The following CDH12 variants were observed in gnomAD, a reference collection of about 807,000 sequenced individuals.
CDH12 encodes cadherin 12.
In CDH12, 41 loss-of-function variants were observed where a neutral mutation model predicts 74.1. The ratio of observed to expected loss-of-function variants is 0.55; its 90% confidence interval spans 0.43 to 0.72. The LOEUF (loss-of-function observed/expected upper bound fraction) is 0.72, where lower values mean the gene tolerates loss of function less well. Among genes scored for constraint, CDH12 ranks in the 30% least tolerant of loss-of-function variants. The pLI is 0.00. For missense variants in CDH12, 945 were observed against 977.2 expected (o/e 0.97, Z 0.44); for synonymous variants, 399 against 355.0 (o/e 1.12, Z -1.39).
chr5:22,453,422 C>T (rs141953750), intron 2 of CDH12, among the ~76,000 whole-genome samples: 2 of 151,998 alleles, frequency 1.3e-5, no homozygotes, highest in Admixed American at 1.3e-4. Context: ...GAATGAAATT[C>T]TATTGTTTGT....
chr5:21,868,366 G>C (rs1164563932), intron 6 of CDH12, among the ~76,000 whole-genome samples: 1 of 152,152 alleles, frequency 6.6e-6, no homozygotes, highest in Non-Finnish European at 1.5e-5. Context: ...GTGGATCCCT[G>C]AGAGTAGAGC....
chr5:21,985,618 A>G (rs1040867400), intron 5 of CDH12, among the ~76,000 whole-genome samples: 6 of 146,698 alleles, frequency 4.1e-5, no homozygotes, highest in Non-Finnish European at 4.5e-5. Flanking sequence ...AGTCAATATG[A>G]GTATAAGAAA....
At chr5:22,538,658 G>A (rs930365234) in intron 1 of CDH12, among the ~76,000 whole-genome samples, 1 of 152,138 alleles carries the variant, frequency 6.6e-6, no homozygotes, top group African/African-American at 2.4e-5. Context: ...CAAACTATCT[G>A]TGGTGAAATA....
At chr5:22,650,868 A>G (rs192998663) in intron 1 of CDH12, among the ~76,000 whole-genome samples, 23 of 152,086 alleles carry the variant, frequency 1.5e-4, no homozygotes, top group African/African-American at 5.3e-4. Flanking sequence ...ACATTAGCCT[A>G]TTTGATGGGG....
chr5:22,012,526 G>A (rs1013670138), intron 5 of CDH12, among the ~76,000 whole-genome samples: 2 of 152,098 alleles, frequency 1.3e-5, no homozygotes, highest in Admixed American at 6.6e-5. Context: ...AGTTACAGGT[G>A]AAAAGCTTTT....
intron 6 of CDH12, among the ~76,000 whole-genome samples, chr5:21,971,099 G>T (rs528592585): frequency 7.2e-5 from 11 of 151,774 alleles, no homozygotes; most frequent in African/African-American, 2.7e-4. Context: ...TTAAGATATT[G>T]AATGAAAGAT....
chr5:22,266,111 T>C (rs1331706030), intron 3 of CDH12, among the ~76,000 whole-genome samples: 2 of 151,702 alleles, frequency 1.3e-5, no homozygotes, highest in Non-Finnish European at 2.9e-5. Flanking sequence ...GTTTCGCTCT[T>C]GTCGCTTAAG....
chr5:22,847,579 T>A (rs1465610255), intron 1 of CDH12, among the ~76,000 whole-genome samples: 1 of 152,208 alleles, frequency 6.6e-6, no homozygotes, highest in Non-Finnish European at 1.5e-5. Context: ...CAACATTTAC[T>A]GAGCATTTGA....
At chr5:21,883,372 T>C in intron 6 of CDH12, 2 of 1,540,808 alleles carry the variant, frequency 1.3e-6, no homozygotes, top group Non-Finnish European at 1.8e-6. Flanking sequence ...GTACCTGCTC[T>C]TGAAATTGCC....
At chr5:22,549,480 T>C (rs961486054) in intron 1 of CDH12, among the ~76,000 whole-genome samples, 2 of 152,204 alleles carry the variant, frequency 1.3e-5, no homozygotes, top group Non-Finnish European at 1.5e-5. Flanking sequence ...AGATACTTTA[T>C]ATTTTTGTAT....
At chr5:22,202,195 C>CTTCCTTCT (rs1376825666) in intron 4 of CDH12, among the ~76,000 whole-genome samples, 37 of 121,846 alleles carry the variant, frequency 3.0e-4, no homozygotes, top group African/African-American at 1.0e-3. Context: ...TCCTTCCTTC[C>CTTCCTTCT]TTCCTTCTTT....
chr5:22,242,767 C>A (rs1237222971), intron 3 of CDH12, among the ~76,000 whole-genome samples: 2 of 152,160 alleles, frequency 1.3e-5, no homozygotes, highest in Admixed American at 1.3e-4. Context: ...TAGCCTTAAG[C>A]TATTGTGCCC....
chr5:21,903,378 G>A (rs1332897820), intron 6 of CDH12, among the ~76,000 whole-genome samples: 1 of 152,100 alleles, frequency 6.6e-6, no homozygotes, highest in Non-Finnish European at 1.5e-5. Flanking sequence ...AAAAACGTAC[G>A]TAAGAAGCAT....
At chr5:22,303,536 T>A (rs1737982382) in intron 3 of CDH12, among the ~76,000 whole-genome samples, 1 of 152,114 alleles carries the variant, frequency 6.6e-6, no homozygotes, top group Non-Finnish European at 1.5e-5. Context: ...TTGAAATGTA[T>A]CATAAAGATT....
chr5:21,760,414 C>T (rs1223123463), intron 13 of CDH12, 144 bp downstream of exon 13: 11 of 607,840 alleles, frequency 1.8e-5, no homozygotes, highest in African/African-American at 1.3e-4. Flanking sequence ...TAATTTACTA[C>T]TAGGTACAGA....
chr5:22,819,891 TATAAG>T (rs1442972893), intron 1 of CDH12, among the ~76,000 whole-genome samples: 3 of 148,654 alleles, frequency 2.0e-5, no homozygotes. Context: ...TATATCCAGA[TATAAG>T]ATATCTAGAT....
intron 1 of CDH12, among the ~76,000 whole-genome samples, chr5:22,756,414 T>C (rs1038379496): frequency 3.0e-4 from 45 of 152,192 alleles, no homozygotes; most frequent in African/African-American, 1.0e-3. Context: ...TAATGGTTAA[T>C]TCTCTATTCC....
intron 3 of CDH12, among the ~76,000 whole-genome samples, chr5:22,376,683 ATT>A (rs34256665): frequency 0.028 from 3,336 of 117,134 alleles, 53 homozygotes; most frequent in Non-Finnish European, 0.04. Context: ...TGGTTGACTA[ATT>A]TTTTTTTTTT....
chr5:22,064,202 G>A (rs1741399120), intron 5 of CDH12, among the ~76,000 whole-genome samples: 1 of 152,130 alleles, frequency 6.6e-6, no homozygotes. Context: ...ATATCTGGAA[G>A]ATTGACTTTT....
Sources: gnomAD v4.1 joint callset for allele counts (sites outside exome capture counted in the v4.1 genomes callset) on GRCh38, gnomAD v4.1.1 for gene constraint, MANE v1.5 for transcripts, NCBI Gene and HGNC (gene_info 2026-07-23, HGNC 2026-07-21) for gene names.